Variants in SLC8A1 observed in about 807,000 individuals in gnomAD.
SLC8A1 encodes the protein solute carrier family 8 member A1.
Under a neutral mutation model 68.3 loss-of-function variants are expected in SLC8A1, and 18 were observed. The ratio of observed to expected loss-of-function variants is 0.26; its 90% CI spans 0.18 to 0.39. SLC8A1 has a LOEUF of 0.39. Ranked by LOEUF, SLC8A1 falls within the 10% of genes least tolerant of loss-of-function variation. The pLI is 1.00. For missense variants in SLC8A1, 985 were observed against 1,156.7 expected, an observed-to-expected ratio of 0.85 and a Z score of 2.15; for synonymous variants, 475 against 415.5, an observed-to-expected ratio of 1.14 and a Z score of -1.74.
chr2:40,387,866 G>C (rs1032602582), intron 2 of SLC8A1, among the ~76,000 whole-genome samples: 2 of 150,898 alleles, frequency 1.3e-5, no homozygotes, highest in African/African-American at 4.9e-5. Flanking sequence ...GAACCTGGGA[G>C]GTGGAGGCTG....
intron 1 of SLC8A1, among the ~76,000 whole-genome samples, chr2:40,489,185 A>C (rs915388421): frequency 2.0e-5 from 3 of 152,180 alleles, no homozygotes; most frequent in Non-Finnish European, 4.4e-5. Flanking sequence ...AACCTGCCTA[A>C]GGTGACACAT....
intron 6 of SLC8A1, among the ~76,000 whole-genome samples, chr2:40,144,518 G>A (rs1021037805): frequency 6.6e-6 from 1 of 151,774 alleles, no homozygotes; most frequent in Non-Finnish European, 1.5e-5. Context: ...TTGATTCGAA[G>A]TTTGAGTCGG....
intron 2 of SLC8A1, among the ~76,000 whole-genome samples, chr2:40,311,373 GA>G (rs1214033968): frequency 5.9e-5 from 9 of 151,406 alleles, no homozygotes; most frequent in Admixed American, 2.0e-4. Flanking sequence ...TTTTTCTTCA[GA>G]AAAAAAATTA....
intron 2 of SLC8A1, among the ~76,000 whole-genome samples, chr2:40,282,260 G>A (rs891835467): frequency 6.6e-6 from 1 of 152,078 alleles, no homozygotes; most frequent in Admixed American, 6.6e-5. Flanking sequence ...TAGTAATAAG[G>A]AGTAATTTCT....
At chr2:40,304,562 G>C (rs1379671023) in intron 2 of SLC8A1, among the ~76,000 whole-genome samples, 1 of 152,094 alleles carries the variant, frequency 6.6e-6, no homozygotes, top group African/African-American at 2.4e-5. Context: ...GCCTCTCCTG[G>C]GTTTGGCACA....
chr2:40,257,968 C>A (rs562903539), intron 2 of SLC8A1, among the ~76,000 whole-genome samples: 4 of 152,162 alleles, frequency 2.6e-5, no homozygotes, highest in African/African-American at 7.2e-5. Context: ...AGGAGAATGG[C>A]GGGTGCCTGC....
At chr2:40,305,225 G>A (rs1248810094) in intron 2 of SLC8A1, among the ~76,000 whole-genome samples, 5 of 152,214 alleles carry the variant, frequency 3.3e-5, no homozygotes, top group Admixed American at 3.3e-4. Flanking sequence ...AAGCAGTGAA[G>A]ACAGAAGGAT....
chr2:40,462,373 A>G (rs185500030), intron 1 of SLC8A1, among the ~76,000 whole-genome samples: 2 of 152,126 alleles, frequency 1.3e-5, no homozygotes. Flanking sequence ...TAACTAAATA[A>G]ATTTAAGTAA....
intron 1 of SLC8A1, among the ~76,000 whole-genome samples, chr2:40,459,572 C>T (rs1047993369): frequency 5.3e-5 from 8 of 152,162 alleles, no homozygotes; most frequent in African/African-American, 1.4e-4. Flanking sequence ...CCAGGGGTTG[C>T]ACATAAAAAT....
intron 2 of SLC8A1, among the ~76,000 whole-genome samples, chr2:40,339,452 T>A (rs955101548): frequency 6.6e-6 from 1 of 152,222 alleles, no homozygotes; most frequent in Non-Finnish European, 1.5e-5. Flanking sequence ...AGTGCCAGAA[T>A]TCACTTTACC....
At chr2:40,207,640 A>ATGAT (rs2055720751) in intron 2 of SLC8A1, among the ~76,000 whole-genome samples, 1 of 152,180 alleles carries the variant, frequency 6.6e-6, no homozygotes, top group African/African-American at 2.4e-5. Flanking sequence ...ATAATATAAA[A>ATGAT]TGATTGCTTA....
intron 2 of SLC8A1, among the ~76,000 whole-genome samples, chr2:40,257,398 G>A (rs1286258128): frequency 6.6e-6 from 1 of 151,272 alleles, no homozygotes; most frequent in Non-Finnish European, 1.5e-5. Context: ...AATCAATGAC[G>A]ATTATGGAAA....
chr2:40,188,217 G>A (rs766830194), intron 2 of SLC8A1, among the ~76,000 whole-genome samples: 1 of 152,156 alleles, frequency 6.6e-6, no homozygotes, highest in African/African-American at 2.4e-5. Context: ...ATTCTTATAA[G>A]ACTACCTATT....
At chr2:40,173,554 A>G (rs2047932511) in intron 4 of SLC8A1, among the ~76,000 whole-genome samples, 1 of 152,222 alleles carries the variant, frequency 6.6e-6, no homozygotes, top group South Asian at 2.1e-4. Flanking sequence ...AACTGCACAT[A>G]TTTAGAAAAT....
intron 7 of SLC8A1, among the ~76,000 whole-genome samples, chr2:40,134,416 C>A (rs1282738365): frequency 6.6e-6 from 1 of 151,920 alleles, no homozygotes; most frequent in African/African-American, 2.4e-5. Flanking sequence ...AAAGTACTGG[C>A]CTGAGGTCTG....
intron 2 of SLC8A1, among the ~76,000 whole-genome samples, chr2:40,418,069 G>A (rs930619326): frequency 2.0e-5 from 3 of 152,116 alleles, no homozygotes; most frequent in African/African-American, 7.2e-5. Flanking sequence ...AGCTATAGAA[G>A]TCATGAAATA....
intron 2 of SLC8A1, among the ~76,000 whole-genome samples, chr2:40,284,262 TAA>T (rs1411649445): frequency 5.3e-5 from 8 of 150,168 alleles, no homozygotes; most frequent in Non-Finnish European, 8.9e-5. Context: ...TCTCTATATA[TAA>T]ATATATAGAG....
intron 2 of SLC8A1, among the ~76,000 whole-genome samples, chr2:40,275,574 G>T (rs917748544): frequency 1.3e-5 from 2 of 151,814 alleles, no homozygotes; most frequent in Admixed American, 1.3e-4. Context: ...AAAGGGCTGG[G>T]TCTGATGATG....
At chr2:40,260,314 G>A (rs1483690023) in intron 2 of SLC8A1, among the ~76,000 whole-genome samples, 1 of 152,202 alleles carries the variant, frequency 6.6e-6, no homozygotes, top group Non-Finnish European at 1.5e-5. Context: ...TGAAAATCCA[G>A]ATCAGCTACA....
Sources: allele counts gnomAD v4.1 joint callset (sites outside exome capture counted in the v4.1 genomes callset), GRCh38; gene constraint gnomAD v4.1.1; transcripts MANE v1.5; gene names NCBI Gene and HGNC (gene_info 2026-07-23, HGNC 2026-07-21).